PRDM5: variants seen among roughly 807,000 people sequenced by gnomAD.
PRDM5 encodes the protein PR/SET domain 5, also known as PR domain zinc finger protein 5.
Under a neutral mutation model 81.2 loss-of-function variants are expected in PRDM5, and 56 were observed. The observed-to-expected ratio is 0.69, with a 90% CI of 0.56 to 0.86. PRDM5 has a LOEUF of 0.86. PRDM5 is among the 40% of genes least tolerant of loss of function. The pLI is 0.00. For missense variants in PRDM5, 697 were observed against 770.1 expected (o/e 0.91, Z 1.12); for synonymous variants, 267 against 256.4 (o/e 1.04, Z -0.39).
At chr4:120,801,771 C>T (rs1453068263) in intron 8 of PRDM5, among the ~76,000 whole-genome samples, 26 of 152,198 alleles carry the variant, frequency 1.7e-4, no homozygotes, top group Admixed American at 1.7e-3. Context: ...AAGACTTCCA[C>T]AGCGGCTTCA....
downstream of PRDM5, among the ~76,000 whole-genome samples, chr4:120,684,495 A>G (rs771785742): frequency 2.0e-5 from 3 of 151,920 alleles, no homozygotes; most frequent in Non-Finnish European, 2.9e-5. Context: ...ATGTTAACAT[A>G]CCCTACTATT....
At chr4:120,852,859 GCATCTT>G (rs1759438613) in intron 3 of PRDM5, among the ~76,000 whole-genome samples, 2 of 145,328 alleles carry the variant, frequency 1.4e-5, no homozygotes, top group Admixed American at 1.4e-4. Context: ...AAGTGGAACA[GCATCTT>G]CATGGCTCAC....
At chr4:120,718,498 A>T (rs1438884185) in intron 14 of PRDM5, among the ~76,000 whole-genome samples, 1 of 152,230 alleles carries the variant, frequency 6.6e-6, no homozygotes, top group Admixed American at 6.5e-5. Context: ...AATCTAAAAA[A>T]TTCATAAGGG....
chr4:120,804,838 A>T (rs1036358799), intron 8 of PRDM5, among the ~76,000 whole-genome samples: 1 of 152,224 alleles, frequency 6.6e-6, no homozygotes, highest in African/African-American at 2.4e-5. Flanking sequence ...GAAGGCAAGA[A>T]ATAACTAAGA....
intron 7 of PRDM5, among the ~76,000 whole-genome samples, chr4:120,814,895 T>C (rs1476321573): frequency 6.6e-6 from 1 of 152,308 alleles, no homozygotes; most frequent in African/African-American, 2.4e-5. Flanking sequence ...TTAAAAAATA[T>C]ATATAAAACA....
chr4:120,901,840 G>A (rs1006295884), intron 2 of PRDM5, among the ~76,000 whole-genome samples: 2 of 152,168 alleles, frequency 1.3e-5, no homozygotes, highest in African/African-American at 4.8e-5. Context: ...ACTGAACTGT[G>A]GCATAGCATA....
chr4:120,729,683 A>G (rs893141944), intron 14 of PRDM5, among the ~76,000 whole-genome samples: 3 of 152,246 alleles, frequency 2.0e-5, no homozygotes, highest in African/African-American at 4.8e-5. Flanking sequence ...AAGTCTCTCT[A>G]CATTGAAATT....
intron 3 of PRDM5, among the ~76,000 whole-genome samples, chr4:120,849,887 T>C (rs1759068358): frequency 6.6e-6 from 1 of 152,176 alleles, no homozygotes; most frequent in East Asian, 1.9e-4. Flanking sequence ...ATTTAGAATT[T>C]TCTAGCCATA....
At chr4:120,832,492 T>G (rs369527633) in intron 3 of PRDM5, among the ~76,000 whole-genome samples, 31 of 152,206 alleles carry the variant, frequency 2.0e-4, no homozygotes, top group African/African-American at 7.0e-4. Context: ...AAATATTCAT[T>G]TACGCTGTAT....
intron 1 of PRDM5, among the ~76,000 whole-genome samples, chr4:120,911,148 A>T (rs546205077): frequency 7.9e-5 from 12 of 152,316 alleles, no homozygotes; most frequent in African/African-American, 2.9e-4. Flanking sequence ...AGTAGCCAGG[A>T]GGTAAGGTGG....
chr4:120,913,024 C>T (rs1766694703), intron 1 of PRDM5, among the ~76,000 whole-genome samples: 1 of 152,178 alleles, frequency 6.6e-6, no homozygotes, highest in South Asian at 2.1e-4. Context: ...TCTTCCTTCC[C>T]CACTGTAGGA....
At chr4:120,799,583 C>T (rs542968221) in intron 9 of PRDM5, 78 bp downstream of exon 9, 658 of 1,558,922 alleles carry the variant, frequency 4.2e-4, no homozygotes, top group Non-Finnish European at 5.3e-4. Context: ...CTGATTACCA[C>T]TCTTAGAGTT....
At chr4:120,764,466 A>C (rs1041399615) in intron 13 of PRDM5, among the ~76,000 whole-genome samples, 1 of 152,126 alleles carries the variant, frequency 6.6e-6, no homozygotes, top group Non-Finnish European at 1.5e-5. Context: ...GATATTTTTG[A>C]AGAAAGAAAA....
chr4:120,773,531 G>A (rs922212330), intron 13 of PRDM5, among the ~76,000 whole-genome samples: 2 of 152,110 alleles, frequency 1.3e-5, no homozygotes, highest in African/African-American at 4.8e-5. Context: ...ACATGATGAT[G>A]TTACAGAATC....
chr4:120,837,209 ATC>A (rs1358155643), intron 3 of PRDM5: 1 of 152,212 alleles, frequency 6.6e-6, no homozygotes, highest in African/African-American at 2.4e-5. Context: ...GATATATTTA[ATC>A]TCTGAGGTGC....
intron 2 of PRDM5, among the ~76,000 whole-genome samples, chr4:120,863,176 ATAT>A (rs1317337362): frequency 3.2e-5 from 1 of 31,578 alleles, no homozygotes; most frequent in South Asian, 1.8e-3. Flanking sequence ...AAAAAAAAAA[ATAT>A]ATATATATAT....
chr4:120,717,461 T>C (rs1369463177), intron 14 of PRDM5, among the ~76,000 whole-genome samples: 1 of 152,220 alleles, frequency 6.6e-6, no homozygotes, highest in African/African-American at 2.4e-5. Flanking sequence ...TGCCCACCTA[T>C]ATAAAAGAAC....
chr4:120,710,247 A>T, intron 15 of PRDM5, 62 bp downstream of exon 15: 1 of 1,385,136 alleles, frequency 7.2e-7, no homozygotes, highest in African/African-American at 1.4e-5. Flanking sequence ...ACATACACAC[A>T]CACACACACC....
At chr4:120,833,140 G>C (rs528137268) in intron 3 of PRDM5, among the ~76,000 whole-genome samples, 1 of 152,160 alleles carries the variant, frequency 6.6e-6, no homozygotes, top group South Asian at 2.1e-4. Flanking sequence ...TGCTGTTTCA[G>C]TTACACTTGG....
Sources: gnomAD v4.1 joint callset for allele counts (sites outside exome capture counted in the v4.1 genomes callset) on GRCh38, gnomAD v4.1.1 for gene constraint, MANE v1.5 for transcripts, NCBI Gene and HGNC (gene_info 2026-07-23, HGNC 2026-07-21) for gene names.